Variants in TNFRSF11B observed in about 807,000 individuals in gnomAD.
TNFRSF11B encodes the protein tumor necrosis factor receptor superfamily member 11B.
A neutral mutation model predicts 43.4 loss-of-function variants in TNFRSF11B; 16 were observed. That is an observed-to-expected ratio of 0.37 (90% CI 0.25 to 0.56). The LOEUF is 0.56. TNFRSF11B is among the 20% of genes least tolerant of loss of function. The pLI, the probability that TNFRSF11B is intolerant of heterozygous loss-of-function variation, is 0.80. For synonymous variants in TNFRSF11B, 185 were observed against 181.8 expected, an observed-to-expected ratio of 1.02 and a Z score of -0.14; for missense variants, 444 against 490.1, an observed-to-expected ratio of 0.91 and a Z score of 0.89.
rs11573895 is a variant in TNFRSF11B, at chr8:118,935,337, C to T, written c.31-2037G>A. 5.3e-3 allele frequency among the ~76,000 whole-genome samples: 809 copies of T among 152,294 alleles called. 5 individuals carry two copies. The highest frequency in any genetic ancestry group is 0.019 in the African/African-American group (779 of 41,548). The stretch of plus-strand genomic sequence containing the variant: ...CTTCATTCAACACACACTCCTTGAG[C>T]ATCCACTATGTACCAGGCATCATGG... On this transcript the variant is annotated intron_variant, in intron 1 of 4. Transcript: ENST00000297350.
At chr8:118,951,537 T>TCC (rs1399962238) in intron 1 of TNFRSF11B, among the ~76,000 whole-genome samples, 1 of 152,146 alleles carries the variant, frequency 6.6e-6, no homozygotes, top group Non-Finnish European at 1.5e-5. Flanking sequence ...TCTCTCTCTC[T>TCC]CTCCCTCTCT....
At chr8:118,946,778 A>G (rs11573834) in intron 1 of TNFRSF11B, among the ~76,000 whole-genome samples, 8 of 152,154 alleles carry the variant, frequency 5.3e-5, no homozygotes, top group Non-Finnish European at 1.2e-4. Flanking sequence ...TTTTTTAAAA[A>G]AATCTCCAGC....
intron 1 of TNFRSF11B, among the ~76,000 whole-genome samples, chr8:118,937,967 A>T (rs1812426434): frequency 6.6e-6 from 1 of 151,428 alleles, no homozygotes; most frequent in African/African-American, 2.4e-5. Context: ...AATATTTAAG[A>T]TATAAGTATA....
chr8:118,933,437 C>A, intron 1 of TNFRSF11B, 137 bp from the exon 2 acceptor site: 1 of 1,379,000 alleles, frequency 7.3e-7, no homozygotes, highest in Non-Finnish European at 1.0e-6. Context: ...AGCTTGGAAG[C>A]CATAATTTTT....
intron 1 of TNFRSF11B, among the ~76,000 whole-genome samples, chr8:118,946,420 T>C (rs1007286711): frequency 2.6e-5 from 4 of 152,108 alleles, no homozygotes; most frequent in African/African-American, 7.2e-5. Context: ...CCCAAAATAT[T>C]CTGTGGTAGT....
chr8:118,924,582 C>G lies in TNFRSF11B; in HGVS notation c.998G>C (p.Arg333Pro). 1 of 1,614,112 alleles carries G rather than the reference C, an allele frequency of 6.2e-7. No individual in the cohort carries two copies. The highest frequency in any genetic ancestry group is 8.5e-7 in the Non-Finnish European group (1 of 1,180,020). ...DQILKLLSLWRIKNGDQDTLK... is the reference protein window; with the variant it reads ...DQILKLLSLWPIKNGDQDTLK... ...GGTGTCTTGGTCGCCATTTTTTATT[C>G]GCCACAAACTGAGCAGCTTCAGGAT... Residue 333 changes from arginine (R) to proline (P), a missense_variant, in exon 5 of 5, where the codon CGA (arginine) becomes CCA (proline). By Grantham distance (103) the Arg-to-Pro change is moderately radical. Coordinates refer to ENST00000297350, the MANE Select transcript of TNFRSF11B (RefSeq NM_002546.4).
chr8:118,930,658 C>T (rs940696440), intron 2 of TNFRSF11B: 14 of 398,604 alleles, frequency 3.5e-5, no homozygotes, highest in Middle Eastern at 3.5e-4. Flanking sequence ...GTGATCTGCC[C>T]GCCTTGACCT....
intron 1 of TNFRSF11B, 43 bp from the exon 2 acceptor site, chr8:118,933,343 A>T: frequency 6.2e-7 from 1 of 1,608,328 alleles, no homozygotes; most frequent in Non-Finnish European, 8.5e-7. Context: ...TTAGCATGAA[A>T]ATAGGTTTGT....
intron 4 of TNFRSF11B, among the ~76,000 whole-genome samples, chr8:118,926,022 C>T (rs894756522): frequency 3.9e-5 from 6 of 152,150 alleles, no homozygotes; most frequent in South Asian, 2.1e-4. Context: ...AATTTTAATG[C>T]AGGCCATATC....
chr8:118,936,874 G>T (rs757875602), intron 1 of TNFRSF11B, among the ~76,000 whole-genome samples: 65 of 152,280 alleles, frequency 4.3e-4, no homozygotes, highest in East Asian at 3.9e-4. Flanking sequence ...TTTAAAAAAA[G>T]AATTAAATGA....
At chr8:118,933,325 GCAT>G in intron 1 of TNFRSF11B, 25 bp from the exon 2 acceptor site, 1 of 1,611,562 alleles carries the variant, frequency 6.2e-7, no homozygotes, top group Non-Finnish European at 8.5e-7. Flanking sequence ...GAACACAGTG[GCAT>G]CATCTTAGCA....
At chr8:118,937,178 T>C (rs2129905046) in intron 1 of TNFRSF11B, among the ~76,000 whole-genome samples, 1 of 152,354 alleles carries the variant, frequency 6.6e-6, no homozygotes, top group Middle Eastern at 3.4e-3. Flanking sequence ...TAGCAGACAA[T>C]GGTAGAAGGT....
intron 3 of TNFRSF11B, among the ~76,000 whole-genome samples, chr8:118,928,012 A>ATGTGTGTGTGTGTG (rs58489703): frequency 6.9e-6 from 1 of 145,164 alleles, no homozygotes; most frequent in East Asian, 2.0e-4. Flanking sequence ...CACATTTCTA[A>ATGTGTGTGTGTGTG]TGTGTGTGTG....
chr8:118,951,765 C>A, intron 1 of TNFRSF11B, 27 bp downstream of exon 1: 1 of 1,578,480 alleles, frequency 6.3e-7, no homozygotes, highest in Admixed American at 1.8e-5. Context: ...AGGCGCCGGG[C>A]ACCCGTCGGC....
At chr8:118,927,921 A>G (rs1286675004) in intron 3 of TNFRSF11B, among the ~76,000 whole-genome samples, 1 of 152,150 alleles carries the variant, frequency 6.6e-6, no homozygotes. Flanking sequence ...CCTGTACCCA[A>G]TGAAGAGCTT....
At chr8:118,930,669 C>T in intron 2 of TNFRSF11B, 2 of 420,908 alleles carry the variant, frequency 4.8e-6, no homozygotes, top group Non-Finnish European at 9.8e-6. Flanking sequence ...GCCTTGACCT[C>T]TCAAACTCTT....
At chr8:118,939,949 A>C (rs1390896821) in intron 1 of TNFRSF11B, among the ~76,000 whole-genome samples, 3 of 152,212 alleles carry the variant, frequency 2.0e-5, no homozygotes, top group Non-Finnish European at 4.4e-5. Context: ...TAGCACAGAT[A>C]ATTTTAAAAA....
chr8:118,933,637 T>C (rs1812358591), intron 1 of TNFRSF11B, among the ~76,000 whole-genome samples: 1 of 152,194 alleles, frequency 6.6e-6, no homozygotes, highest in African/African-American at 2.4e-5. Context: ...TATCTCTAGG[T>C]GAGTGAGTTG....
chr8:118,949,075 G>C (rs556704699), intron 1 of TNFRSF11B, among the ~76,000 whole-genome samples: 3 of 152,190 alleles, frequency 2.0e-5, no homozygotes, highest in African/African-American at 7.2e-5. Context: ...AAGCAGAGCA[G>C]GCCTCTGCTT....
Sources: gnomAD v4.1 joint callset for allele counts (sites outside exome capture counted in the v4.1 genomes callset) on GRCh38, gnomAD v4.1.1 for gene constraint, MANE v1.5 for transcripts, NCBI Gene and HGNC (gene_info 2026-07-23, HGNC 2026-07-21) for gene names.